CLOCK: variants seen among roughly 807,000 people sequenced by gnomAD.
The protein encoded by CLOCK is clock circadian regulator.
CLOCK carries 43 observed loss-of-function variants against 118.4 expected under a neutral mutation model. That is an observed-to-expected ratio of 0.36 (90% CI 0.28 to 0.47). CLOCK has a LOEUF of 0.47. Ranked by LOEUF, CLOCK falls within the 20% of genes least tolerant of loss-of-function variation. CLOCK has a pLI of 1.00. For synonymous variants in CLOCK, 326 were observed against 339.2 expected (o/e 0.96, Z 0.43); for missense variants, 846 against 999.9 (o/e 0.85, Z 2.08).
chr4:55,467,799 A>G (rs1013302665), intron 8 of CLOCK, among the ~76,000 whole-genome samples: 1 of 151,844 alleles, frequency 6.6e-6, no homozygotes, highest in African/African-American at 2.4e-5. Flanking sequence ...CTAATATCTC[A>G]TGTTTTACTC....
chr4:55,526,407 TA>T (rs970675901), intron 1 of CLOCK, among the ~76,000 whole-genome samples: 1 of 152,212 alleles, frequency 6.6e-6, no homozygotes, highest in African/African-American at 2.4e-5. Flanking sequence ...TTAACATCTT[TA>T]ACACTGGGAC....
intron 1 of CLOCK, among the ~76,000 whole-genome samples, chr4:55,528,521 A>G (rs966170578): frequency 1.3e-5 from 2 of 152,158 alleles, no homozygotes; most frequent in Non-Finnish European, 2.9e-5. Flanking sequence ...TGTGCAGATG[A>G]GCACATAAAA....
At chr4:55,499,298 C>G (rs1416202383) in intron 2 of CLOCK, among the ~76,000 whole-genome samples, 1 of 152,122 alleles carries the variant, frequency 6.6e-6, no homozygotes, top group Non-Finnish European at 1.5e-5. Context: ...GTTCCATTAA[C>G]ATCCTCTAAA....
intron 1 of CLOCK, among the ~76,000 whole-genome samples, chr4:55,544,332 A>G (rs1731473784): frequency 6.6e-6 from 1 of 152,128 alleles, no homozygotes; most frequent in Admixed American, 6.5e-5. Flanking sequence ...TCCTCCTCAT[A>G]ATTGTTTGTC....
chr4:55,449,255 G>T lies in CLOCK; in HGVS notation c.1449+141C>A, dbSNP rs914229480. 1.1e-4 allele frequency: 82 copies of T among 726,988 alleles called. No homozygotes were observed. The African/African-American group carries it at 1.3e-3, about 11-fold the overall frequency. The allele number at this position is 726,988 out of a possible 1,614,324, so 45.0% of individuals were successfully genotyped here. A position where few individuals can be genotyped will look rare whatever the true frequency, so the allele number is the denominator to read the frequency against. Reference sequence around the variant, plus strand: ...CAACCACTTCATACAAGAAAAGGAAGTCTTAAGTAAGTGTCACATATCAGT... The same window carrying T: ...CAACCACTTCATACAAGAAAAGGAATTCTTAAGTAAGTGTCACATATCAGT... On this transcript the variant is annotated intron_variant, in intron 17 of 22. Coordinates refer to ENST00000513440, the MANE Select transcript of CLOCK (RefSeq NM_004898.4).
At chr4:55,439,308 C>T (rs913831177) in intron 21 of CLOCK, among the ~76,000 whole-genome samples, 1 of 152,120 alleles carries the variant, frequency 6.6e-6, no homozygotes, top group Non-Finnish European at 1.5e-5. Flanking sequence ...AAAACCACAA[C>T]AAGAGGCTAC....
In CLOCK at chr4:55,476,033, G is replaced by T. The variant is rs375764282; in HGVS notation, c.278C>A (p.Ala93Asp). 8.7e-6 allele frequency: 14 copies of T among 1,611,960 alleles called. No homozygotes were observed. Among genetic ancestry groups the T allele is most frequent in the Non-Finnish European group, 1.2e-5 (14 of 1,178,308 alleles). The change falls in exon 7 of 23, where the codon GCT (alanine) becomes GAT (aspartate). Residue 93 changes from alanine (A) to aspartate (D), a missense_variant. By Grantham distance (126) the Ala-to-Asp change is moderately radical (BLOSUM62 -2). Coordinates refer to ENST00000513440, the MANE Select transcript of CLOCK (RefSeq NM_004898.4). ...TTTCCAGTCCTGTCGAATTTCACTA[G>T]CATCTGACTGTGCAGTGATTTCTGT... is the stretch of plus-strand genomic sequence containing the variant. ...KHKEITAQSDASEIRQDWKPT... is the reference protein window; with the variant it reads ...KHKEITAQSDDSEIRQDWKPT...
intron 11 of CLOCK, among the ~76,000 whole-genome samples, chr4:55,458,312 T>C (rs983450276): frequency 3.9e-5 from 6 of 152,094 alleles, no homozygotes; most frequent in Non-Finnish European, 7.4e-5. Flanking sequence ...TCCTCTCGCC[T>C]TGCTCTCCCA....
chr4:55,513,073 C>A (rs545135392), intron 1 of CLOCK, among the ~76,000 whole-genome samples: 41 of 152,172 alleles, frequency 2.7e-4, no homozygotes, highest in Non-Finnish European at 1.5e-5. Flanking sequence ...CAGTAGTGTA[C>A]CCTAATGTCC....
chr4:55,435,440 T>C lies in CLOCK; in HGVS notation c.2516A>G (p.Asp839Gly). The change falls in exon 23 of 23, where the codon GAC becomes GGC. Residue 839 changes from aspartate to glycine, a missense_variant. Around this residue, in one of 4 missense-constraint regions of CLOCK, gnomAD observed 520 missense variants for 558.0 expected, o/e 0.93. Coordinates refer to ENST00000513440, the MANE Select transcript of CLOCK (RefSeq NM_004898.4). ...CTACTGTGGTTGAACCTTGGAAGGG[T>C]CGGGCAAGCTGTCAGTCCTGTGCCG... ...LSRHRTDSLP[D>G]PSKVQPQ 6.2e-7 allele frequency: 1 copy of C among 1,613,888 alleles called. No homozygotes were observed. The highest frequency in any genetic ancestry group is 8.5e-7 in the Non-Finnish European group (1 of 1,179,888).
At chr4:55,517,081 CATT>C (rs1729562814) in intron 1 of CLOCK, among the ~76,000 whole-genome samples, 1 of 152,110 alleles carries the variant, frequency 6.6e-6, no homozygotes, top group Non-Finnish European at 1.5e-5. Flanking sequence ...CTGTTGATAA[CATT>C]ATTTTGGACA....
Position 55,431,637 on chromosome 4 carries a change from T to C in CLOCK, c.*3778A>G, listed in dbSNP as rs879823641. On this transcript the variant is annotated 3_prime_UTR_variant, in exon 23 of 23. Transcript: ENST00000513440. ...CTGTGGGACTAAGGGCCACAGGTAA[T>C]TGGAAAGGTTATAGACTTGAATGCG... The C allele has an allele frequency of 2.0e-5, 3 of 152,190 alleles. No individual in the cohort carries two copies. The highest frequency in any genetic ancestry group is 6.5e-5 in the Admixed American group (1 of 15,280). 9.4% of individuals were successfully genotyped at this position (152,190 alleles called of 1,614,324 possible). A position where few individuals can be genotyped will look rare whatever the true frequency, so the allele number is the denominator to read the frequency against.
intron 1 of CLOCK, among the ~76,000 whole-genome samples, chr4:55,513,085 A>G (rs1729266286): frequency 6.6e-6 from 1 of 152,118 alleles, no homozygotes; most frequent in African/African-American, 2.4e-5. Context: ...CTAATGTCCT[A>G]AGCCTTCACA....
At chr4:55,538,752 A>G (rs1731065538) in intron 1 of CLOCK, among the ~76,000 whole-genome samples, 1 of 152,230 alleles carries the variant, frequency 6.6e-6, no homozygotes, top group Admixed American at 6.5e-5. Flanking sequence ...AGTAACACAG[A>G]GAGTCTTAAA....
At chr4:55,439,980 G>A (rs1264413379) in intron 21 of CLOCK, among the ~76,000 whole-genome samples, 1 of 151,752 alleles carries the variant, frequency 6.6e-6, no homozygotes, top group African/African-American at 2.4e-5. Context: ...CGGTTAACAT[G>A]GTAACTTTTA....
chr4:55,449,610 C>A, intron 16 of CLOCK, 114 bp from the exon 17 acceptor site: 1 of 893,468 alleles, frequency 1.1e-6, no homozygotes, highest in Non-Finnish European at 1.8e-6. Flanking sequence ...TTTTTCCAAA[C>A]CATTCAATGA....
At position 55,431,965 on chromosome 4, in the gene CLOCK, G is replaced by C. The variant is rs1313335374; in HGVS notation, c.*3450C>G. On this transcript the variant is annotated 3_prime_UTR_variant, in exon 23 of 23. Transcript: ENST00000513440. ...CCTAGCGTCAAGCAGACTGCTTTAA[G>C]GCAATGACCAACAACTACAGCACTT... The C allele has an allele frequency of 6.6e-6, 1 of 152,180 alleles. No individual in the cohort carries two copies. The highest frequency in any genetic ancestry group is 2.4e-5 in the African/African-American group (1 of 41,448). 9.4% of individuals were successfully genotyped at this position (152,180 alleles called of 1,614,324 possible). A position where few individuals can be genotyped will look rare whatever the true frequency, so the allele number is the denominator to read the frequency against.
chr4:55,542,878 A>G (rs1731375054), intron 1 of CLOCK, among the ~76,000 whole-genome samples: 1 of 152,158 alleles, frequency 6.6e-6, no homozygotes, highest in South Asian at 2.1e-4. Context: ...CTATCGATCA[A>G]GTCAAAAGCC....
At position 55,429,784 on chromosome 4, in the gene CLOCK, G is replaced by A. The variant is rs1373379419; in HGVS notation, c.*5631C>T. 1 of 152,176 alleles carries A rather than the reference G, an allele frequency of 6.6e-6. No individual in the cohort carries two copies. Among genetic ancestry groups the A allele is most frequent in the African/African-American group, 2.4e-5 (1 of 41,428 alleles). 9.4% of individuals were successfully genotyped at this position (152,176 alleles called of 1,614,324 possible). A position where few individuals can be genotyped will look rare whatever the true frequency, so the allele number is the denominator to read the frequency against. On this transcript the variant is annotated 3_prime_UTR_variant, in exon 23 of 23. Transcript: ENST00000513440. Reference sequence around the variant, plus strand: ...AGGCAGCAAGTGAAACTAGAAAAAGGTTGGAACTGTATGAATCAGATTTGA... The same window carrying A: ...AGGCAGCAAGTGAAACTAGAAAAAGATTGGAACTGTATGAATCAGATTTGA...
Sources: gnomAD v4.1 joint callset for allele counts (sites outside exome capture counted in the v4.1 genomes callset) on GRCh38, gnomAD v4.1.1 for gene constraint, gnomAD v4.1.1 regional missense constraint, MANE v1.5 for transcripts, NCBI Gene and HGNC (gene_info 2026-07-23, HGNC 2026-07-21) for gene names.